The following SMIM17 variants were observed in gnomAD, a reference collection of about 807,000 sequenced individuals.
The protein encoded by SMIM17 is small integral membrane protein 17.
A neutral mutation model predicts 12.2 loss-of-function variants in SMIM17; 10 were observed. The ratio of observed to expected loss-of-function variants is 0.82; its 90% CI spans 0.50 to 1.39. The LOEUF is 1.39. SMIM17 is among the 40% of genes most tolerant of loss of function. The pLI is 0.00. For missense variants in SMIM17, 136 were observed against 118.2 expected (o/e 1.15, Z -0.70); for synonymous variants, 50 against 44.1 (o/e 1.13, Z -0.53).
At chr19:56,646,774 G>A (rs944990542) in intron 2 of SMIM17, among the ~76,000 whole-genome samples, 6 of 152,170 alleles carry the variant, frequency 3.9e-5, no homozygotes, top group Non-Finnish European at 7.4e-5. Flanking sequence ...GGGAGGAAAC[G>A]AGAGGTATCA....
At chr19:56,645,892 A>G in intron 2 of SMIM17, 56 bp downstream of exon 2, 3 of 1,464,804 alleles carry the variant, frequency 2.0e-6, no homozygotes, top group Non-Finnish European at 2.7e-6. Flanking sequence ...GAATTGGCAG[A>G]GCCTAGGGAA....
At chr19:56,654,007 T>C (rs925790266) in intron 3 of SMIM17, among the ~76,000 whole-genome samples, 13 of 152,352 alleles carry the variant, frequency 8.5e-5, no homozygotes, top group Non-Finnish European at 1.6e-4. Context: ...CATCATTAAT[T>C]TGGAAAATTG....
Position 56,645,569 on chromosome 19 carries a change from C to T in SMIM17, c.-99C>T. On this transcript the variant is annotated splice_region_variant and 5_prime_UTR_variant, in exon 2 of 4. Transcript: ENST00000598409. ...ACTGAATGATGAAATGTCCATCAGT[C>T]CTCAGGTTCTGAATCTTGTGCCTGG... The T allele has an allele frequency of 1.7e-6, 2 of 1,153,816 alleles. No homozygotes were observed. The highest frequency in any genetic ancestry group is 2.3e-6 in the Non-Finnish European group (2 of 853,226). 71.5% of individuals were successfully genotyped at this position (1,153,816 alleles called of 1,614,324 possible).
At chr19:56,649,567 A>C (rs1434361176) in intron 3 of SMIM17, among the ~76,000 whole-genome samples, 3 of 152,172 alleles carry the variant, frequency 2.0e-5, no homozygotes, top group Non-Finnish European at 4.4e-5. Flanking sequence ...TGTCTAGGAA[A>C]GTCCCCACTG....
chr19:56,654,225 G>A (rs923133623), intron 3 of SMIM17, among the ~76,000 whole-genome samples: 1 of 152,186 alleles, frequency 6.6e-6, no homozygotes, highest in Non-Finnish European at 1.5e-5. Context: ...GTGGTGATAG[G>A]AGCATGGAGA....
At chr19:56,653,550 G>A (rs562319639) in intron 3 of SMIM17, among the ~76,000 whole-genome samples, 1 of 152,238 alleles carries the variant, frequency 6.6e-6, no homozygotes, top group Admixed American at 6.5e-5. Flanking sequence ...TTGTTCAGTT[G>A]GCCCAATTTT....
intron 3 of SMIM17, among the ~76,000 whole-genome samples, chr19:56,649,969 G>T (rs994901309): frequency 3.3e-5 from 5 of 152,134 alleles, no homozygotes; most frequent in Non-Finnish European, 5.9e-5. Context: ...GGCAGTGGGA[G>T]CCATCGAAGG....
chr19:56,655,220 T>A lies in SMIM17; in HGVS notation c.*7T>A. ...TATGATGTTTCACATTTAACTATAATGGTGGCTGTTGTTTTAAAAGTTTAA... is the reference window on the plus strand; with the variant it reads ...TATGATGTTTCACATTTAACTATAAAGGTGGCTGTTGTTTTAAAAGTTTAA... On this transcript the variant is annotated 3_prime_UTR_variant, in exon 4 of 4. Coordinates refer to ENST00000598409, the MANE Select transcript of SMIM17 (RefSeq NM_001193628.2). 2.9e-6 allele frequency: 2 copies of A among 700,160 alleles called. No homozygotes were observed. Among genetic ancestry groups the A allele is most frequent in the East Asian group, 5.4e-5 (2 of 37,252 alleles). The allele number at this position is 700,160 out of a possible 1,614,324, so 43.4% of individuals were successfully genotyped here. A position where few individuals can be genotyped will look rare whatever the true frequency, so the allele number is the denominator to read the frequency against.
chr19:56,647,451 G>A (rs568614678), intron 2 of SMIM17, 107 bp from the exon 3 acceptor site: 2 of 667,276 alleles, frequency 3.0e-6, no homozygotes, highest in Admixed American at 5.8e-5. Flanking sequence ...GAGAGAGAGA[G>A]GAGGCTATTA....
At chr19:56,647,233 A>C (rs574421226) in intron 2 of SMIM17, among the ~76,000 whole-genome samples, 9 of 152,162 alleles carry the variant, frequency 5.9e-5, no homozygotes, top group African/African-American at 1.9e-4. Flanking sequence ...CAGGTAAGGG[A>C]CTGAAGACTC....
intron 3 of SMIM17, among the ~76,000 whole-genome samples, chr19:56,652,306 C>A (rs1428895839): frequency 6.6e-6 from 1 of 151,830 alleles, no homozygotes; most frequent in African/African-American, 2.4e-5. Flanking sequence ...ACTGGTAGAA[C>A]TGAAATCCAG....
Position 56,650,407 on chromosome 19 carries a change from C to T in SMIM17, c.246+2773C>T, listed in dbSNP as rs1360730249. The stretch of plus-strand genomic sequence containing the variant: ...CAAGATGGTCTTGATCTCTTGACCT[C>T]GTAATCCGCCCACCTCGGCCTCCGA... On this transcript the variant is annotated intron_variant, in intron 3 of 3. Coordinates refer to ENST00000598409, the MANE Select transcript of SMIM17 (RefSeq NM_001193628.2). 3.3e-5 allele frequency among the ~76,000 whole-genome samples: 5 copies of T among 152,078 alleles called. No homozygotes were observed. The East Asian group carries it at 7.7e-4, about 24-fold the overall frequency.
rs1025225354 is a variant in SMIM17 at position 56,655,356 on chromosome 19, T to A, written c.*143T>A. 6.6e-5 allele frequency: 33 copies of A among 498,792 alleles called. No individual in the cohort carries two copies. The highest frequency in any genetic ancestry group is 2.5e-4 in the Admixed American group (7 of 28,200). The allele number at this position is 498,792 out of a possible 1,614,324, so 30.9% of individuals were successfully genotyped here. A position where few individuals can be genotyped will look rare whatever the true frequency, so the allele number is the denominator to read the frequency against. On this transcript the variant is annotated 3_prime_UTR_variant, in exon 4 of 4. Coordinates refer to ENST00000598409, the MANE Select transcript of SMIM17 (RefSeq NM_001193628.2). ...TTCAAACATCCTTTGAGATGATTTT[T>A]AAAAAATTTTTGGTGTGAGTTTTCA...
intron 1 of SMIM17, among the ~76,000 whole-genome samples, chr19:56,643,602 G>T (rs2045040576): frequency 6.6e-6 from 1 of 152,132 alleles, no homozygotes; most frequent in Admixed American, 6.5e-5. Context: ...GGTGTTCAGC[G>T]CACCTGCCCG....
chr19:56,655,041 G>T (rs912014022), intron 3 of SMIM17, 62 bp from the exon 4 acceptor site: 1 of 591,360 alleles, frequency 1.7e-6, no homozygotes, highest in African/African-American at 1.9e-5. Context: ...CTATTTTCCT[G>T]CAAGTAACAA....
chr19:56,644,039 C>A (rs973890430), intron 1 of SMIM17, among the ~76,000 whole-genome samples: 1 of 151,942 alleles, frequency 6.6e-6, no homozygotes, highest in Non-Finnish European at 1.5e-5. Flanking sequence ...TCTGTCTCAT[C>A]CCCTTTCCTT....
In SMIM17 at chr19:56,655,609, A is replaced by C; in HGVS notation, c.*396A>C. On this transcript the variant is annotated 3_prime_UTR_variant, in exon 4 of 4. Coordinates refer to ENST00000598409, the MANE Select transcript of SMIM17 (RefSeq NM_001193628.2). ...AAGGTTTTGGTGCACCAGTCTTTTCATACACTAGATTATATTTATTGATAT... is the reference window on the plus strand; with the variant it reads ...AAGGTTTTGGTGCACCAGTCTTTTCCTACACTAGATTATATTTATTGATAT... The C allele has an allele frequency of 4.8e-6, 1 of 209,930 alleles. No homozygotes were observed. Among genetic ancestry groups the C allele is most frequent in the Non-Finnish European group, 9.4e-6 (1 of 106,088 alleles). The allele number at this position is 209,930 out of a possible 1,614,324, so 13.0% of individuals were successfully genotyped here.
intron 2 of SMIM17, 53 bp downstream of exon 2, chr19:56,645,889 C>G: frequency 6.8e-7 from 1 of 1,476,816 alleles, no homozygotes; most frequent in Non-Finnish European, 9.0e-7. Flanking sequence ...AAGGAATTGG[C>G]AGAGCCTAGG....
At chr19:56,648,914 T>C (rs2045088474) in intron 3 of SMIM17, among the ~76,000 whole-genome samples, 1 of 151,880 alleles carries the variant, frequency 6.6e-6, no homozygotes, top group South Asian at 2.1e-4. Flanking sequence ...CACATGAGAG[T>C]CCCATCCATC....
Sources: allele counts gnomAD v4.1 joint callset (sites outside exome capture counted in the v4.1 genomes callset), GRCh38; gene constraint gnomAD v4.1.1; transcripts MANE v1.5; gene names NCBI Gene and HGNC (gene_info 2026-07-23, HGNC 2026-07-21).